The following RP1 variants were observed in gnomAD, a reference collection of about 807,000 sequenced individuals.
The protein encoded by RP1 is RP1 axonemal microtubule associated, also known as oxygen-regulated protein 1.
In RP1, 16 loss-of-function variants were observed where a neutral mutation model predicts 14.8. That is an observed-to-expected ratio of 1.08 (90% confidence interval 0.73 to 1.65). The LOEUF is 1.65. Among genes scored for constraint, RP1 ranks in the 40% most tolerant of loss-of-function variants. The pLI is 0.00. For synonymous variants in RP1, 876 were observed against 883.6 expected (o/e 0.99, Z 0.15); for missense variants, 2,631 against 2,535.0 (o/e 1.04, Z -0.81).
intron 18 of RP1, among the ~76,000 whole-genome samples, chr8:54,736,857 A>G (rs140922246): frequency 7.9e-4 from 120 of 152,270 alleles, no homozygotes; most frequent in African/African-American, 2.6e-3. Flanking sequence ...TGTGTGCACT[A>G]AAGTTTGAGA....
chr8:54,856,039 T>A (rs536339329), intron 26 of RP1, among the ~76,000 whole-genome samples: 1 of 151,750 alleles, frequency 6.6e-6, no homozygotes. Flanking sequence ...CATATAAGAA[T>A]GTTCTGAGCA....
chr8:54,807,981 A>G (rs918229423), intron 24 of RP1, among the ~76,000 whole-genome samples: 12 of 149,968 alleles, frequency 8.0e-5, no homozygotes, highest in Non-Finnish European at 1.5e-4. Flanking sequence ...TCTTATCCAA[A>G]AAAAAAAAAA....
intron 24 of RP1, among the ~76,000 whole-genome samples, chr8:54,806,226 C>G (rs1810849131): frequency 6.6e-6 from 1 of 152,060 alleles, no homozygotes; most frequent in Admixed American, 6.5e-5. Context: ...ACTGTGTTGG[C>G]TAGACTGGTC....
rs1806070527 is a variant in RP1 at position 54,626,843 on chromosome 8, T to A, written c.2961T>A (p.Cys987Ter). 1 of 1,613,834 alleles carries A rather than the reference T, an allele frequency of 6.2e-7. No homozygotes were observed. The highest frequency in any genetic ancestry group is 1.1e-5 in the South Asian group (1 of 91,084). Residue 987 changes from cysteine to a stop codon, truncating the protein, a stop_gained, in exon 4 of 4, where the codon TGT becomes TGA. Transcript: ENST00000220676. LOFTEE classifies it low-confidence loss of function (END_TRUNC). The stretch of plus-strand genomic sequence containing the variant: ...CCGGTTTGACAGGAGATAATCTATG[T>A]AAAGAGGGAGATAAGTCTTTTATTG... ...KIAGLTGDNL[C>*]KEGDKSFIAN...
At chr8:54,573,197 AC>A (rs1204497081) in intron 1 of RP1, among the ~76,000 whole-genome samples, 4 of 152,164 alleles carry the variant, frequency 2.6e-5, no homozygotes, top group Admixed American at 2.0e-4. Flanking sequence ...ATCAGTCATC[AC>A]CTTCTTTTTT....
intron 25 of RP1, among the ~76,000 whole-genome samples, chr8:54,841,567 C>A (rs1476595068): frequency 1.3e-5 from 2 of 152,154 alleles, no homozygotes; most frequent in African/African-American, 4.8e-5. Flanking sequence ...TCTTTGGGGG[C>A]TGAGCTACAT....
At chr8:54,723,597 T>C (rs1281005611) in intron 16 of RP1, among the ~76,000 whole-genome samples, 1 of 152,216 alleles carries the variant, frequency 6.6e-6, no homozygotes, top group Non-Finnish European at 1.5e-5. Context: ...CTTGGGCTTA[T>C]GTGATTAGTT....
chr8:54,659,854 T>A (rs897618079), intron 6 of RP1, among the ~76,000 whole-genome samples: 1 of 152,190 alleles, frequency 6.6e-6, no homozygotes, highest in East Asian at 1.9e-4. Flanking sequence ...ACCTACAAAC[T>A]TGGGGTGTCT....
rs2129312063 is a variant in RP1 at position 54,616,147 on chromosome 8, A to AAG, written c.-68_-67insAG. On this transcript the variant is annotated 5_prime_UTR_variant, in exon 1 of 4. Transcript: ENST00000220676. ...ATATCCAGTGACATTTATTTGAGCTATTTAAACAACTTAAACATCTTTTTC... is the reference window on the plus strand; with the variant it reads ...ATATCCAGTGACATTTATTTGAGCTAAGTTTAAACAACTTAAACATCTTTTTC... 1 of 152,374 alleles carries AAG rather than the reference A, an allele frequency of 6.6e-6. No homozygotes were observed. The highest frequency in any genetic ancestry group is 1.5e-5 in the Non-Finnish European group (1 of 68,038). The allele number at this position is 152,374 out of a possible 1,614,324, so 9.4% of individuals were successfully genotyped here.
intron 17 of RP1, among the ~76,000 whole-genome samples, chr8:54,730,814 A>G (rs934424554): frequency 3.9e-5 from 6 of 152,128 alleles, no homozygotes; most frequent in South Asian, 2.1e-4. Context: ...GAAACTGGAA[A>G]TTTATGAATA....
In RP1 at chr8:54,806,363, A is replaced by G. The variant is rs528873141; in HGVS notation, c.3615+22653A>G. Among the ~76,000 whole-genome samples the G allele has an allele frequency of 3.9e-5, 6 of 152,070 alleles. No individual in the cohort carries two copies. In the South Asian group the frequency reaches 1.2e-3, roughly 32 times the overall value. ...ATAGAGTCAACTGGAGAGTTTAGCG[A>G]TGGACATCCTTTCAGTGTGGAATCA... On this transcript the variant is annotated intron_variant, in intron 24 of 28. Coordinates refer to the RP1 transcript ENST00000637698.
intron 24 of RP1, among the ~76,000 whole-genome samples, chr8:54,794,127 A>G (rs1585698250): frequency 6.6e-6 from 1 of 152,042 alleles, no homozygotes; most frequent in South Asian, 2.1e-4. Flanking sequence ...ATTAAAATAT[A>G]CATATTACCC....
rs1585647409 is a variant in RP1, at chr8:54,735,838, A to G, written c.2721+1094A>G. On this transcript the variant is annotated intron_variant, in intron 18 of 22. Coordinates refer to the RP1 transcript ENST00000636932. ...CACAAAAGTCTAATTTTCTCATAAT[A>G]TACCTTGTGGTATATGTATTTATAT... is the stretch of plus-strand genomic sequence containing the variant. Among the ~76,000 whole-genome samples the G allele has an allele frequency of 2.6e-5, 4 of 152,218 alleles. No individual in the cohort carries two copies. In the East Asian group the frequency reaches 7.7e-4, roughly 29 times the overall value.
At chr8:54,659,312 G>A (rs193046401) in intron 6 of RP1, among the ~76,000 whole-genome samples, 1 of 152,228 alleles carries the variant, frequency 6.6e-6, no homozygotes, top group African/African-American at 2.4e-5. Flanking sequence ...TTGATATCCT[G>A]AAGGTTTTCT....
intron 25 of RP1, among the ~76,000 whole-genome samples, chr8:54,846,362 G>A (rs1241482685): frequency 1.3e-5 from 2 of 152,126 alleles, no homozygotes; most frequent in African/African-American, 2.4e-5. Context: ...ACTTTGAGGG[G>A]TGCAAAATAT....
At chr8:54,770,255 G>A (rs1465011284), downstream of RP1, 3 of 397,946 alleles carry the variant, frequency 7.5e-6, no homozygotes, top group Non-Finnish European at 1.3e-5. Flanking sequence ...ATTTTTTATA[G>A]TACATTCTTA....
chr8:54,781,489 T>C (rs1385367689), intron 23 of RP1, among the ~76,000 whole-genome samples: 1 of 152,154 alleles, frequency 6.6e-6, no homozygotes, highest in African/African-American at 2.4e-5. Context: ...AGTTTTGCAA[T>C]AGAAAATTAC....
intron 11 of RP1, chr8:54,679,734 T>C: frequency 2.0e-6 from 3 of 1,523,746 alleles, no homozygotes; most frequent in Non-Finnish European, 2.6e-6. Context: ...TGCTGTTTCT[T>C]AGCAATTTCT....
At chr8:54,861,961 G>A (rs889447283) in intron 27 of RP1, among the ~76,000 whole-genome samples, 1 of 152,138 alleles carries the variant, frequency 6.6e-6, no homozygotes, top group Non-Finnish European at 1.5e-5. Context: ...GTTCCCAACT[G>A]GGGGCAAATT....
Sources: allele counts gnomAD v4.1 joint callset (sites outside exome capture counted in the v4.1 genomes callset), GRCh38; gene constraint gnomAD v4.1.1; transcripts MANE v1.5; gene names NCBI Gene and HGNC (gene_info 2026-07-23, HGNC 2026-07-21).